LRRC36: variants seen among roughly 807,000 people sequenced by gnomAD.
LRRC36 encodes the protein leucine rich repeat containing 36.
LRRC36 carries 62 observed loss-of-function variants against 81.1 expected under a neutral mutation model. That is an observed-to-expected ratio of 0.76 (90% confidence interval 0.62 to 0.94). The LOEUF is 0.94. Ranked by LOEUF, LRRC36 falls within the 40% of genes least tolerant of loss-of-function variation. The pLI is 0.00. For missense variants in LRRC36, 761 were observed against 881.7 expected (o/e 0.86, Z 1.73); for synonymous variants, 334 against 348.6 (o/e 0.96, Z 0.47).
chr16:67,378,461 A>T (rs890466823), intron 11 of LRRC36, 128 bp from the exon 12 acceptor site: 16 of 713,968 alleles, frequency 2.2e-5, no homozygotes, highest in Non-Finnish European at 3.4e-5. Flanking sequence ...GCTGGTCTCG[A>T]ACTCCTGAGC....
At chr16:67,371,399 T>C in intron 9 of LRRC36, 157 bp downstream of exon 9, 1 of 811,034 alleles carries the variant, frequency 1.2e-6, no homozygotes. Flanking sequence ...CTAACACCTG[T>C]TGAGCCTTCT....
chr16:67,346,210 A>G (rs746326081), intron 2 of LRRC36, 46 bp from the exon 3 acceptor site: 25 of 1,214,244 alleles, frequency 2.1e-5, no homozygotes, highest in Non-Finnish European at 1.9e-5. Context: ...TGAGGTTCCT[A>G]GTCTTTACCA....
At chr16:67,366,340 C>G (rs942501719) in intron 7 of LRRC36, among the ~76,000 whole-genome samples, 1 of 152,030 alleles carries the variant, frequency 6.6e-6, no homozygotes, top group Non-Finnish European at 1.5e-5. Flanking sequence ...TCGGACCAGG[C>G]ACAGTGGCTC....
At chr16:67,344,327 G>C (rs1298287031) in intron 2 of LRRC36, among the ~76,000 whole-genome samples, 1 of 152,066 alleles carries the variant, frequency 6.6e-6, no homozygotes, top group Admixed American at 6.6e-5. Context: ...GTTTATGTCT[G>C]TAATCCCAGC....
At chr16:67,384,423 A>G (rs1476993711) in intron 13 of LRRC36, among the ~76,000 whole-genome samples, 2 of 152,160 alleles carry the variant, frequency 1.3e-5, no homozygotes, top group African/African-American at 4.8e-5. Flanking sequence ...AACAAAAGTG[A>G]AACTCTATCT....
chr16:67,347,960 A>G (rs1158650407), intron 4 of LRRC36, among the ~76,000 whole-genome samples: 2 of 152,186 alleles, frequency 1.3e-5, no homozygotes, highest in Non-Finnish European at 2.9e-5. Context: ...TTACATTACC[A>G]TGGGCAAGAT....
chr16:67,355,663 C>T lies in LRRC36; in HGVS notation c.577+5373C>T, dbSNP rs567866942. On this transcript the variant is annotated intron_variant, in intron 5 of 13. Transcript: ENST00000329956. ...TGCTGGGATTACAGGCGTGAGCCACCGCGCCCGGTCTTTTAAGATGTCTTT... is the reference window on the plus strand; with the variant it reads ...TGCTGGGATTACAGGCGTGAGCCACTGCGCCCGGTCTTTTAAGATGTCTTT... Among the ~76,000 whole-genome samples the T allele has an allele frequency of 5.3e-5, 8 of 152,192 alleles. 1 individual carries two copies. The South Asian group carries it at 1.2e-3, about 24-fold the overall frequency.
intron 1 of LRRC36, among the ~76,000 whole-genome samples, chr16:67,329,263 T>C (rs574510428): frequency 6.6e-6 from 1 of 152,252 alleles, no homozygotes; most frequent in African/African-American, 2.4e-5. Flanking sequence ...ATATGCAACC[T>C]AAAAAATTTA....
rs8052943 is a variant in LRRC36 at position 67,333,426 on chromosome 16, G to T, written c.70+6494G>T. ...AAATTACAGGCATGAGCCACCACAC[G>T]TAGCCCCATTTAAAAAATATACAAT... On this transcript the variant is annotated intron_variant, in intron 1 of 13. Coordinates refer to ENST00000329956, the MANE Select transcript of LRRC36 (RefSeq NM_018296.6). 6.3e-3 allele frequency among the ~76,000 whole-genome samples: 959 copies of T among 152,096 alleles called. 8 individuals carry two copies. Among genetic ancestry groups the T allele is most frequent in the African/African-American group, 0.022 (896 of 41,476 alleles).
Position 67,367,323 on chromosome 16 carries a change from GCAAGAACTAT to G in LRRC36, c.1067_1076del (p.Asn356SerfsTer4), listed in dbSNP as rs1440333273. On this transcript the variant is annotated frameshift_variant, in exon 8 of 14. Transcript: ENST00000329956. LOFTEE classifies it high-confidence loss of function. ...AGTCTTGGTAAAAGGCCTCAGAGAA[GCAAGAACTAT>G]CAAGAGTATAGCATAAAGCCTTCAA... 5 of 1,614,138 alleles carry G rather than the reference GCAAGAACTAT, an allele frequency of 3.1e-6. No individual in the cohort carries two copies. The South Asian group carries it at 4.4e-5, about 14-fold the overall frequency.
chr16:67,340,808 T>TAGAATATATACCACATATACTCTAC (rs2038001403), intron 1 of LRRC36, among the ~76,000 whole-genome samples: 1 of 146,982 alleles, frequency 6.8e-6, no homozygotes, highest in Non-Finnish European at 1.5e-5. Flanking sequence ...ATATACTCTA[T>TAGAATATATACCACATATACTCTAC]AGAATATATA....
chr16:67,327,021 T>C lies in LRRC36; in HGVS notation c.70+89T>C, dbSNP rs116353341. 2.3e-3 allele frequency: 2,865 copies of C among 1,219,608 alleles called. 58 individuals are homozygous for C. In the African/African-American group the frequency reaches 0.046, roughly 20 times the overall value. 75.5% of individuals were successfully genotyped at this position (1,219,608 alleles called of 1,614,324 possible). ...GAAGTGGAAGGCGGGGAACCTGAGA[T>C]AGAGGCGAGGGAACCACAGAGAAGC... On this transcript the variant is annotated intron_variant, in intron 1 of 13. Coordinates refer to ENST00000329956, the MANE Select transcript of LRRC36 (RefSeq NM_018296.6).
intron 9 of LRRC36, among the ~76,000 whole-genome samples, chr16:67,372,257 T>C (rs926701216): frequency 2.0e-5 from 3 of 151,502 alleles, no homozygotes; most frequent in African/African-American, 7.3e-5. Context: ...CTTGGGAGGC[T>C]GAGGCAGGAG....
Position 67,365,387 on chromosome 16 carries a change from C to T in LRRC36, c.754+32C>T, listed in dbSNP as rs370325048. Reference sequence around the variant, plus strand: ...ATTTTGCTCACTGAGTATTTTTCCCCCACACTAATCAGAGAAGTCTGGATG... The same window carrying T: ...ATTTTGCTCACTGAGTATTTTTCCCTCACACTAATCAGAGAAGTCTGGATG... On this transcript the variant is annotated intron_variant, in intron 7 of 13. Transcript: ENST00000329956. 82 of 1,587,966 alleles carry T rather than the reference C, an allele frequency of 5.2e-5. No homozygotes were observed. The Admixed American group carries it at 1.3e-3, about 25-fold the overall frequency.
Position 67,341,957 on chromosome 16 carries a change from A to C in LRRC36, c.71A>C (p.Glu24Ala), listed in dbSNP as rs1163436625. 1 of 1,607,762 alleles carries C rather than the reference A, an allele frequency of 6.2e-7. No homozygotes were observed. Among genetic ancestry groups the C allele is most frequent in the South Asian group, 1.1e-5 (1 of 90,272 alleles). Reference protein sequence around the residue: ...RLGALTLEQPELVESLSLQGS... With the variant: ...RLGALTLEQPALVESLSLQGS... Reference sequence around the variant, plus strand: ...ATATCTACTGATGATCTCTTTTCAGAACTGGTGGAGTCTCTTTCATTGCAG... The same window carrying C: ...ATATCTACTGATGATCTCTTTTCAGCACTGGTGGAGTCTCTTTCATTGCAG... Residue 24 changes from glutamate (E) to alanine (A), a missense_variant and splice_region_variant, in exon 2 of 14, where the codon GAA (glutamate) becomes GCA (alanine). Coordinates refer to ENST00000329956, the MANE Select transcript of LRRC36 (RefSeq NM_018296.6).
At position 67,371,141 on chromosome 16, in the gene LRRC36, A is replaced by C. The variant is rs1221217535; in HGVS notation, c.1393A>C (p.Lys465Gln). The C allele has an allele frequency of 6.2e-7, 1 of 1,614,090 alleles. No individual in the cohort carries two copies. The highest frequency in any genetic ancestry group is 1.7e-5 in the Admixed American group (1 of 60,004). Residue 465 changes from lysine to glutamine, a missense_variant, in exon 9 of 14, where the codon AAG (lysine) becomes CAG (glutamine). Around this residue, in one of 3 missense-constraint regions of LRRC36, gnomAD observed 359 missense variants for 388.4 expected, o/e 0.92. Coordinates refer to ENST00000329956, the MANE Select transcript of LRRC36 (RefSeq NM_018296.6). ...GTSEHRKIFT[K>Q]RSLSPSKRGF... ...TTCAGAACACAGAAAGATTTTTACC[A>C]AGAGGTCACTAAGCCCATCGAAGAG...
At chr16:67,336,749 A>T (rs1325993236) in intron 1 of LRRC36, 1 of 146,538 alleles carries the variant, frequency 6.8e-6, no homozygotes, top group South Asian at 2.1e-4. Flanking sequence ...CACTGCATCC[A>T]GTTTTTCTTT....
At chr16:67,333,241 C>A (rs2037585026) in intron 1 of LRRC36, among the ~76,000 whole-genome samples, 1 of 152,184 alleles carries the variant, frequency 6.6e-6, no homozygotes, top group Admixed American at 6.5e-5. Context: ...AAGTGATTCT[C>A]CTGCCTCAGC....
chr16:67,337,118 C>T (rs1207501419), intron 1 of LRRC36, among the ~76,000 whole-genome samples: 2 of 152,038 alleles, frequency 1.3e-5, no homozygotes, highest in Non-Finnish European at 1.5e-5. Context: ...GGATATACCA[C>T]ATTTTTGTTT....
Sources: allele counts gnomAD v4.1 joint callset (sites outside exome capture counted in the v4.1 genomes callset), GRCh38; gene constraint gnomAD v4.1.1; regional missense constraint gnomAD v4.1.1; transcripts MANE v1.5; gene names NCBI Gene and HGNC (gene_info 2026-07-23, HGNC 2026-07-21).